LRMDA: variants seen among roughly 807,000 people sequenced by gnomAD.
The protein encoded by LRMDA is leucine-rich melanocyte differentiation-associated protein.
In LRMDA, 18 loss-of-function variants were observed where a neutral mutation model predicts 29.8. The ratio of observed to expected loss-of-function variants is 0.60; its 90% confidence interval spans 0.42 to 0.90. The LOEUF is 0.90. Ranked by LOEUF, LRMDA falls within the 40% of genes least tolerant of loss-of-function variation. LRMDA has a pLI of 0.00. For missense variants in LRMDA, 273 were observed against 273.9 expected, an observed-to-expected ratio of 1.00 and a Z score of 0.02; for synonymous variants, 125 against 109.4, an observed-to-expected ratio of 1.14 and a Z score of -0.89.
chr10:76,047,889 C>T (rs144737549), intron 4 of LRMDA, among the ~76,000 whole-genome samples: 23 of 152,356 alleles, frequency 1.5e-4, no homozygotes, highest in African/African-American at 3.8e-4. Flanking sequence ...ACCAGCCATG[C>T]GCTTTGATGG....
At chr10:75,790,934 T>A (rs1843554987) in intron 2 of LRMDA, among the ~76,000 whole-genome samples, 1 of 152,058 alleles carries the variant, frequency 6.6e-6, no homozygotes, top group Admixed American at 6.5e-5. Context: ...CCAAATAGGG[T>A]TTTCTTCTGG....
chr10:75,447,014 C>A (rs1844403817), intron 2 of LRMDA, among the ~76,000 whole-genome samples: 1 of 152,190 alleles, frequency 6.6e-6, no homozygotes, highest in Admixed American at 6.5e-5. Flanking sequence ...GTAGGGGAGG[C>A]AACAGAGCTC....
intron 2 of LRMDA, among the ~76,000 whole-genome samples, chr10:75,996,208 T>C (rs1444368029): frequency 6.6e-6 from 1 of 152,174 alleles, no homozygotes; most frequent in Non-Finnish European, 1.5e-5. Flanking sequence ...TTGAGGCCTA[T>C]TGGAATTGAT....
intron 5 of LRMDA, among the ~76,000 whole-genome samples, chr10:76,238,999 G>A (rs907952471): frequency 4.6e-5 from 7 of 152,272 alleles, no homozygotes; most frequent in Non-Finnish European, 8.8e-5. Context: ...GGTATTATGG[G>A]AAAGGAAGGG....
chr10:75,773,948 T>A (rs1843275775), intron 2 of LRMDA, among the ~76,000 whole-genome samples: 1 of 152,230 alleles, frequency 6.6e-6, no homozygotes, highest in Non-Finnish European at 1.5e-5. Flanking sequence ...GTCTGTAAGT[T>A]CCTTTAAGGC....
intron 2 of LRMDA, among the ~76,000 whole-genome samples, chr10:75,662,265 A>C (rs1444368644): frequency 1.3e-5 from 2 of 152,224 alleles, no homozygotes; most frequent in Non-Finnish European, 2.9e-5. Flanking sequence ...GTAGAGATGA[A>C]ATAAATCTGA....
chr10:75,998,941 G>C (rs962199056), intron 2 of LRMDA, among the ~76,000 whole-genome samples: 1 of 152,178 alleles, frequency 6.6e-6, no homozygotes, highest in Non-Finnish European at 1.5e-5. Context: ...GGCTGGGAGA[G>C]ACCTCTGAGG....
chr10:76,477,029 T>C (rs940534802), intron 6 of LRMDA, among the ~76,000 whole-genome samples: 4 of 152,172 alleles, frequency 2.6e-5, no homozygotes, highest in Admixed American at 2.0e-4. Context: ...CTATTCAACA[T>C]AGTGTTGGAA....
At chr10:76,413,972 A>G (rs1841989579) in intron 6 of LRMDA, among the ~76,000 whole-genome samples, 1 of 152,242 alleles carries the variant, frequency 6.6e-6, no homozygotes, top group African/African-American at 2.4e-5. Flanking sequence ...TGAAACACCA[A>G]GAAGGCAACT....
chr10:75,956,398 T>C (rs1021335729), intron 2 of LRMDA, among the ~76,000 whole-genome samples: 21 of 152,202 alleles, frequency 1.4e-4, no homozygotes, highest in African/African-American at 5.1e-4. Flanking sequence ...GAATTGCCTC[T>C]CATTTGTCCT....
At chr10:76,216,071 GGGC>G (rs1256238554) in intron 5 of LRMDA, among the ~76,000 whole-genome samples, 1 of 152,182 alleles carries the variant, frequency 6.6e-6, no homozygotes, top group Non-Finnish European at 1.5e-5. Context: ...GAAAAGGCAG[GGGC>G]CAAATGTGGT....
At chr10:76,146,285 G>A (rs201016767) in intron 5 of LRMDA, among the ~76,000 whole-genome samples, 16,913 of 151,740 alleles carry the variant, frequency 0.11, 1,083 homozygotes, top group East Asian at 0.24. Flanking sequence ...AATGTTGACA[G>A]TGGGGTGTTA....
intron 2 of LRMDA, among the ~76,000 whole-genome samples, chr10:75,575,828 C>T (rs1204438688): frequency 6.6e-6 from 1 of 152,220 alleles, no homozygotes; most frequent in South Asian, 2.1e-4. Context: ...TGCACTCCGG[C>T]CCAGATACTG....
At chr10:76,279,395 G>A (rs7088761) in intron 5 of LRMDA, among the ~76,000 whole-genome samples, 79,311 of 151,938 alleles carry the variant, frequency 0.52, 21,178 homozygotes, top group African/African-American at 0.64. Flanking sequence ...ATTCTTTTAT[G>A]AATTCTTCCT....
intron 5 of LRMDA, among the ~76,000 whole-genome samples, chr10:76,064,796 C>G (rs1381756669): frequency 1.3e-5 from 2 of 152,196 alleles, no homozygotes; most frequent in African/African-American, 2.4e-5. Context: ...CAAGTACATT[C>G]AGTTCAACAG....
At chr10:76,413,331 G>A (rs1267819654) in intron 6 of LRMDA, among the ~76,000 whole-genome samples, 1 of 152,166 alleles carries the variant, frequency 6.6e-6, no homozygotes, top group African/African-American at 2.4e-5. Flanking sequence ...CCAAGACCAG[G>A]TAATGCACAC....
At chr10:75,722,206 C>T (rs1052960505) in intron 2 of LRMDA, among the ~76,000 whole-genome samples, 2 of 152,046 alleles carry the variant, frequency 1.3e-5, no homozygotes, top group African/African-American at 4.8e-5. Flanking sequence ...ATGTTAATGG[C>T]CCTGGTGCAT....
At chr10:76,546,909 C>T (rs1416668932) in intron 6 of LRMDA, among the ~76,000 whole-genome samples, 1 of 152,002 alleles carries the variant, frequency 6.6e-6, no homozygotes, top group Non-Finnish European at 1.5e-5. Flanking sequence ...TACCAGAGAC[C>T]AATGATGGGG....
In LRMDA at chr10:76,074,428, C is replaced by A. The variant is rs565014097; in HGVS notation, c.516+15645C>A. On this transcript the variant is annotated intron_variant, in intron 5 of 6. Coordinates refer to ENST00000611255, the MANE Select transcript of LRMDA (RefSeq NM_001305581.2). Reference sequence around the variant, plus strand: ...ATTATTCACAGCAGAGCTATTAAGGCTAATTATTTTCAGGTTTCTATCAAA... The same window carrying A: ...ATTATTCACAGCAGAGCTATTAAGGATAATTATTTTCAGGTTTCTATCAAA... 1.3e-4 allele frequency among the ~76,000 whole-genome samples: 20 copies of A among 152,164 alleles called. 1 individual carries two copies. In the South Asian group the frequency reaches 4.2e-3, roughly 32 times the overall value.
Sources: allele counts gnomAD v4.1 joint callset (sites outside exome capture counted in the v4.1 genomes callset), GRCh38; gene constraint gnomAD v4.1.1; transcripts MANE v1.5; gene names NCBI Gene and HGNC (gene_info 2026-07-23, HGNC 2026-07-21).